The following ABCC3 variants were observed in gnomAD, a reference collection of about 807,000 sequenced individuals.
ABCC3 encodes the protein ATP-binding cassette sub-family C member 3.
In ABCC3, 121 loss-of-function variants were observed where a neutral mutation model predicts 165.3. The ratio of observed to expected loss-of-function variants is 0.73; its 90% CI spans 0.63 to 0.85. The LOEUF (loss-of-function observed/expected upper bound fraction) is 0.85. Among genes scored for constraint, ABCC3 ranks in the 40% least tolerant of loss-of-function variants. The pLI is 0.00. For synonymous variants in ABCC3, 733 were observed against 810.1 expected (o/e 0.90, Z 1.62); for missense variants, 1,869 against 1,964.1 (o/e 0.95, Z 0.92).
chr17:50,673,971 T>TCCTTCCTTCCTTCCTTCCTTCCTTC (rs1567835528), intron 19 of ABCC3, among the ~76,000 whole-genome samples: 9 of 14,672 alleles, frequency 6.1e-4, no homozygotes, highest in Non-Finnish European at 8.7e-4. Context: ...TTTCTTTCTT[T>TCCTTCCTTCCTTCCTTCCTTCCTTC]CTTTCTTTCT....
chr17:50,673,766 G>T, intron 19 of ABCC3, 108 bp downstream of exon 19: 1 of 1,143,794 alleles, frequency 8.7e-7, no homozygotes, highest in East Asian at 2.5e-5. Context: ...GGCAGGTTCT[G>T]GGAAACTTGG....
At chr17:50,685,163 C>T (rs1342096721) in intron 29 of ABCC3, among the ~76,000 whole-genome samples, 1 of 152,170 alleles carries the variant, frequency 6.6e-6, no homozygotes. Flanking sequence ...GAAGGCAGGT[C>T]TGGGATTTGA....
rs141375140 is a variant in ABCC3, at chr17:50,675,726, C to T, written c.2810C>T (p.Ala937Val). Residue 937 changes from alanine (A) to valine (V), a missense_variant, in exon 21 of 31, where the codon GCG (alanine) becomes GTG (valine). Transcript: ENST00000285238. ...GPSEKVQVTE[A>V]KADGALTQEE... Reference sequence around the variant, plus strand: ...TCAGAGAAGGTGCAGGTGACAGAGGCGAAGGCAGATGGGGCACTGACCCAG... The same window carrying T: ...TCAGAGAAGGTGCAGGTGACAGAGGTGAAGGCAGATGGGGCACTGACCCAG... 7.0e-6 allele frequency: 11 copies of T among 1,563,932 alleles called. No individual in the cohort carries two copies. In the African/African-American group the frequency reaches 1.1e-4, roughly 15 times the overall value.
rs553726955 is a variant in ABCC3 at position 50,687,088 on chromosome 17, T to C, written c.4281-448T>C. 2.0e-5 allele frequency among the ~76,000 whole-genome samples: 3 copies of C among 152,212 alleles called. No homozygotes were observed. The East Asian group carries it at 5.8e-4, about 29-fold the overall frequency. ...GCAGAGCCCTGGCCTGTATTCCCTA[T>C]GGGGTGGGAGGTGACTGCCTGAATT... On this transcript the variant is annotated intron_variant, in intron 29 of 30. Transcript: ENST00000285238.
intron 30 of ABCC3, among the ~76,000 whole-genome samples, 155 bp from the exon 31 acceptor site, chr17:50,690,937 C>A (rs1257173437): frequency 6.6e-6 from 1 of 152,190 alleles, no homozygotes; most frequent in African/African-American, 2.4e-5. Context: ...GCTAAAATAA[C>A]CAGCCTTGCA....
chr17:50,680,143 C>T (rs1290184331), intron 26 of ABCC3, among the ~76,000 whole-genome samples: 7 of 152,164 alleles, frequency 4.6e-5, no homozygotes, highest in Non-Finnish European at 8.8e-5. Flanking sequence ...AGACCTATTG[C>T]AGGGCTTTGC....
chr17:50,668,990 T>G, intron 15 of ABCC3, 71 bp downstream of exon 15: 1 of 1,598,016 alleles, frequency 6.3e-7, no homozygotes, highest in South Asian at 1.1e-5. Flanking sequence ...AGCAGCACCC[T>G]GCAAAGCCTT....
intron 8 of ABCC3, among the ~76,000 whole-genome samples, chr17:50,662,996 G>C (rs527464846): frequency 5.3e-5 from 8 of 152,268 alleles, no homozygotes; most frequent in African/African-American, 1.7e-4. Context: ...AGGAAGGCCA[G>C]GGCTCGGGGG....
chr17:50,690,448 C>G (rs908147152), intron 30 of ABCC3, among the ~76,000 whole-genome samples: 1 of 152,278 alleles, frequency 6.6e-6, no homozygotes. Flanking sequence ...AGCCCCCTCC[C>G]ATGGAGGAGC....
intron 30 of ABCC3, among the ~76,000 whole-genome samples, chr17:50,688,092 A>G (rs1388943205): frequency 6.6e-6 from 1 of 151,676 alleles, no homozygotes; most frequent in Non-Finnish European, 1.5e-5. Context: ...TTGTATTTTT[A>G]GTAGAGACGG....
Position 50,673,516 on chromosome 17 carries a change from C to T in ABCC3, c.2457C>T (p.Asp819=), listed in dbSNP as rs554045968. The change falls in exon 19 of 31, where the codon GAC becomes GAT. Residue 819 remains aspartate, a synonymous_variant. Transcript: ENST00000285238. ...THGISFLPQT[D]FIIVLADGQV... ...GCATTAGCTTCCTGCCCCAGACAGA[C>T]TTCATCATTGTGCTAGCTGATGGAC... The T allele has an allele frequency of 3.1e-6, 5 of 1,614,192 alleles. No homozygotes were observed. The highest frequency in any genetic ancestry group is 1.3e-5 in the African/African-American group (1 of 75,054).
chr17:50,649,670 G>A (rs1567826105), intron 1 of ABCC3, among the ~76,000 whole-genome samples: 1 of 144,336 alleles, frequency 6.9e-6, no homozygotes, highest in Non-Finnish European at 1.5e-5. Flanking sequence ...AAGGAAAGAA[G>A]GAAGGGAGGG....
rs769639166 is a variant in ABCC3, at chr17:50,672,959, G to A, written c.2242-12G>A. ...TCTGACCCCATTTTTCCCACCCCCC[G>A]CCTCCCTCCAGGGCATTAACCTGTC... is the stretch of plus-strand genomic sequence containing the variant. On this transcript the variant is annotated splice_polypyrimidine_tract_variant and intron_variant, in intron 17 of 30. Coordinates refer to ENST00000285238, the MANE Select transcript of ABCC3 (RefSeq NM_003786.4). 34 of 1,608,542 alleles carry A rather than the reference G, an allele frequency of 2.1e-5. No individual in the cohort carries two copies. The highest frequency in any genetic ancestry group is 2.7e-5 in the African/African-American group (2 of 74,676).
chr17:50,667,448 C>T (rs748477887), intron 11 of ABCC3, 106 bp from the exon 12 acceptor site: 49 of 1,027,490 alleles, frequency 4.8e-5, no homozygotes, highest in South Asian at 1.2e-4. Flanking sequence ...TGGTGGGCAG[C>T]GTGGAATGGC....
At position 50,661,191 on chromosome 17, in the gene ABCC3, C is replaced by T. The variant is rs542393255; in HGVS notation, c.998+77C>T. The stretch of plus-strand genomic sequence containing the variant: ...CTGGCTAGCCCAGAGGAAGGAACAA[C>T]GTACAGTGAAAAGAACCCCAGACCA... On this transcript the variant is annotated intron_variant, in intron 8 of 30. Transcript: ENST00000285238. 100 of 1,429,130 alleles carry T rather than the reference C, an allele frequency of 7.0e-5. 1 individual carries two copies. In the East Asian group the frequency reaches 1.9e-3, roughly 27 times the overall value. 88.5% of individuals were successfully genotyped at this position (1,429,130 alleles called of 1,614,324 possible).
intron 17 of ABCC3, among the ~76,000 whole-genome samples, chr17:50,672,589 G>A (rs1462317685): frequency 6.6e-6 from 1 of 152,212 alleles, no homozygotes; most frequent in Non-Finnish European, 1.5e-5. Context: ...GTCAGGCACA[G>A]TGGCTCACAC....
At position 50,677,914 on chromosome 17, in the gene ABCC3, A is replaced by T. The variant is rs774416690; in HGVS notation, c.3549A>T (p.Arg1183Ser). The stretch of plus-strand genomic sequence containing the variant: ...ATACTAAGGTGGATGCCAACCAGAG[A>T]AGCTGCTACCCCTACATCATCTCCA... Reference protein sequence around the residue: ...ISDTKVDANQRSCYPYIISNR... With the variant: ...ISDTKVDANQSSCYPYIISNR... Residue 1183 changes from arginine (R) to serine (S), a missense_variant, in exon 24 of 31, where the codon AGA (arginine) becomes AGT (serine). Coordinates refer to ENST00000285238, the MANE Select transcript of ABCC3 (RefSeq NM_003786.4). 6.2e-6 allele frequency: 10 copies of T among 1,613,918 alleles called. No homozygotes were observed. Among genetic ancestry groups the T allele is most frequent in the Non-Finnish European group, 6.8e-6 (8 of 1,180,014 alleles).
At chr17:50,684,439 G>T (rs1256178657) in intron 28 of ABCC3, among the ~76,000 whole-genome samples, 1 of 152,116 alleles carries the variant, frequency 6.6e-6, no homozygotes, top group Non-Finnish European at 1.5e-5. Flanking sequence ...CTCCTCCGGG[G>T]TATTTTTTGT....
At chr17:50,635,900 A>C in intron 1 of ABCC3, 1 of 266,776 alleles carries the variant, frequency 3.7e-6, no homozygotes. Flanking sequence ...ATAAATAAAT[A>C]AGAAAAGAAA....
Sources: allele counts gnomAD v4.1 joint callset (sites outside exome capture counted in the v4.1 genomes callset), GRCh38; gene constraint gnomAD v4.1.1; transcripts MANE v1.5; gene names NCBI Gene and HGNC (gene_info 2026-07-23, HGNC 2026-07-21).